Variants in KIF14 observed in about 807,000 individuals in gnomAD.
KIF14 encodes the protein kinesin-like protein KIF14.
KIF14 carries 98 observed loss-of-function variants against 176.2 expected under a neutral mutation model. That is an observed-to-expected ratio of 0.56 (90% CI 0.47 to 0.66). KIF14 has a LOEUF of 0.66. Among genes scored for constraint, KIF14 ranks in the 30% least tolerant of loss-of-function variants. The probability of loss-of-function intolerance (pLI) is 0.00; values close to 1 mark genes in which losing one functional copy is unlikely to be tolerated. For missense variants in KIF14, 1,751 were observed against 1,920.4 expected (o/e 0.91, Z 1.65); for synonymous variants, 566 against 632.2 (o/e 0.90, Z 1.57).
Position 200,618,652 on chromosome 1 carries a change from A to C in KIF14, c.72T>G (p.Ser24Arg). Residue 24 changes from serine to arginine, a missense_variant, in exon 2 of 30, where the codon AGT becomes AGG. By Grantham distance (110) the Ser-to-Arg change is moderately radical (BLOSUM62 -1). Transcript: ENST00000367350. Reference sequence around the variant, plus strand: ...TGTGGGTGAGGGCATTCAGTGATGAACTATTTTGGGAAGAAGGAATATCAA... The same window carrying C: ...TGTGGGTGAGGGCATTCAGTGATGACCTATTTTGGGAAGAAGGAATATCAA... ...DILDIPSSQNSSSLNALTHSS... is the reference protein window; with the variant it reads ...DILDIPSSQNRSSLNALTHSS... 1 of 1,613,788 alleles carries C rather than the reference A, an allele frequency of 6.2e-7. No homozygotes were observed.
chr1:200,565,464 A>G lies in KIF14; in HGVS notation c.3867T>C (p.Asp1289=). ...FAISKAHEEQ[D]EESQDNLFSS... ...GCTTACAGTTATCTTGACTTTCTTC[A>G]TCTTGTTCTTCATGAGCCTTGGAAA... Residue 1289 remains aspartate, a synonymous_variant, in exon 24 of 30, where the codon GAT becomes GAC. Transcript: ENST00000367350. 6.3e-7 allele frequency: 1 copy of G among 1,594,312 alleles called. No individual in the cohort carries two copies. Among genetic ancestry groups the G allele is most frequent in the Non-Finnish European group, 8.5e-7 (1 of 1,174,218 alleles).
intron 12 of KIF14, 49 bp from the exon 13 acceptor site, chr1:200,600,162 A>C: frequency 7.3e-7 from 1 of 1,373,310 alleles, no homozygotes; most frequent in Non-Finnish European, 1.0e-6. Flanking sequence ...CCAGATGTAT[A>C]AGATTGAGAG....
rs111405039 is a variant in KIF14 at position 200,555,465 on chromosome 1, T to C, written c.4354-11A>G. 1 of 1,420,300 alleles carries C rather than the reference T, an allele frequency of 7.0e-7. No individual in the cohort carries two copies. Among genetic ancestry groups the C allele is most frequent in the South Asian group, 1.3e-5 (1 of 75,584 alleles). 88.0% of individuals were successfully genotyped at this position (1,420,300 alleles called of 1,614,324 possible). ...CATTTCTTTGGTAACCTATAGAGAATGTTAAAATATTTTATTATACTTTAT... is the reference window on the plus strand; with the variant it reads ...CATTTCTTTGGTAACCTATAGAGAACGTTAAAATATTTTATTATACTTTAT... On this transcript the variant is annotated splice_polypyrimidine_tract_variant and intron_variant, in intron 27 of 29. Coordinates refer to ENST00000367350, the MANE Select transcript of KIF14 (RefSeq NM_014875.3).
intron 18 of KIF14, among the ~76,000 whole-genome samples, chr1:200,586,790 C>CATATATATATATAT (rs10610890): frequency 1.4e-4 from 18 of 128,326 alleles, no homozygotes; most frequent in Admixed American, 4.6e-4. Context: ...TATATACATA[C>CATATATATATATAT]ATATATATAT....
At position 200,605,341 on chromosome 1, in the gene KIF14, A is replaced by C. The variant is rs982515648; in HGVS notation, c.1688T>G (p.Met563Arg). ...NKQRATAATG[M>R]NDKSSRSHSV... ...ATGAGATCGGGAACTTTTATCATTC[A>C]TACCAGTAGCAGCAGTAGCTCTTTG... Residue 563 changes from methionine to arginine, a missense_variant, in exon 8 of 30, where the codon ATG (methionine) becomes AGG (arginine). Transcript: ENST00000367350. The C allele has an allele frequency of 4.3e-6, 7 of 1,613,740 alleles. No homozygotes were observed. The highest frequency in any genetic ancestry group is 5.9e-6 in the Non-Finnish European group (7 of 1,179,854).
intron 2 of KIF14, among the ~76,000 whole-genome samples, chr1:200,617,070 T>C (rs949970716): frequency 3.9e-5 from 6 of 152,080 alleles, no homozygotes; most frequent in Non-Finnish European, 7.4e-5. Flanking sequence ...CGGGTTCAAG[T>C]GATTCTCCTG....
At chr1:200,596,920 T>C (rs74960978) in intron 14 of KIF14, among the ~76,000 whole-genome samples, 4 of 127,654 alleles carry the variant, frequency 3.1e-5, no homozygotes, top group Non-Finnish European at 6.4e-5. Context: ...TTTTGAGACA[T>C]AGTCTCGCTC....
Position 200,580,538 on chromosome 1 carries a change from A to G in KIF14, c.3336-155T>C, listed in dbSNP as rs576320583. Among the ~76,000 whole-genome samples the G allele has an allele frequency of 3.9e-5, 6 of 152,138 alleles. No individual in the cohort carries two copies. The South Asian group carries it at 1.0e-3, about 26-fold the overall frequency. On this transcript the variant is annotated intron_variant, in intron 20 of 29. Coordinates refer to ENST00000367350, the MANE Select transcript of KIF14 (RefSeq NM_014875.3). Reference sequence around the variant, plus strand: ...TTTTTATTATAGTAATAATCATATAAGTATAAAACATATAAAAATAACAAA... The same window carrying G: ...TTTTTATTATAGTAATAATCATATAGGTATAAAACATATAAAAATAACAAA...
Position 200,592,118 on chromosome 1 carries a change from T to C in KIF14, c.2775A>G (p.Glu925=), listed in dbSNP as rs1180298839. Residue 925 remains glutamate (E), a synonymous_variant, in exon 16 of 30, where the codon GAA becomes GAG. Transcript: ENST00000367350. ...TPISEGPKDF[E]FAKNELLMAQ... ...CCATGAGCAACTCATTTTTTGCAAA[T>C]TCAAAGTCTTTTGGACCCTCACTTA... The C allele has an allele frequency of 3.7e-6, 6 of 1,613,510 alleles. No homozygotes were observed. Among genetic ancestry groups the C allele is most frequent in the Non-Finnish European group, 5.1e-6 (6 of 1,179,852 alleles).
At chr1:200,557,014 T>C (rs905054361) in intron 27 of KIF14, among the ~76,000 whole-genome samples, 5 of 150,818 alleles carry the variant, frequency 3.3e-5, no homozygotes, top group Non-Finnish European at 7.4e-5. Context: ...TATTTATTTA[T>C]TTATTTTTGA....
In KIF14 at chr1:200,592,113, G is replaced by T; in HGVS notation, c.2780C>A (p.Ala927Glu). 6.2e-7 allele frequency: 1 copy of T among 1,610,372 alleles called. No individual in the cohort carries two copies. Residue 927 changes from alanine to glutamate, a missense_variant, in exon 16 of 30, where the codon GCA (alanine) becomes GAA (glutamate). Transcript: ENST00000367350. ...ISEGPKDFEF[A>E]KNELLMAQRS... ...CTGTGCCATGAGCAACTCATTTTTT[G>T]CAAATTCAAAGTCTTTTGGACCCTC... is the stretch of plus-strand genomic sequence containing the variant.
rs550553479 is a variant in KIF14, at chr1:200,615,870, C to CT, written c.1113-262dup. On this transcript the variant is annotated intron_variant, in intron 2 of 29. Coordinates refer to ENST00000367350, the MANE Select transcript of KIF14 (RefSeq NM_014875.3). ...TCCTACTTTTACAAGATTTTTTCCT[C>CT]TTTTTTTTTTCTCTTGAACTATACC... 8.1e-3 allele frequency among the ~76,000 whole-genome samples: 1,217 copies of CT among 149,474 alleles called. 11 individuals are homozygous for CT. Among genetic ancestry groups the CT allele is most frequent in the African/African-American group, 0.027 (1,085 of 40,866 alleles).
intron 14 of KIF14, among the ~76,000 whole-genome samples, chr1:200,597,946 T>G (rs1162339099): frequency 1.3e-5 from 2 of 152,284 alleles, no homozygotes; most frequent in East Asian, 3.9e-4. Flanking sequence ...AGATAGATAG[T>G]TTACTTGCAT....
intron 25 of KIF14, 25 bp downstream of exon 25, chr1:200,565,044 A>G (rs753825757): frequency 1.3e-6 from 2 of 1,558,116 alleles, no homozygotes; most frequent in South Asian, 1.1e-5. Context: ...GAATCCTTCA[A>G]ATGATAATAA....
At position 200,581,115 on chromosome 1, in the gene KIF14, GAAA is replaced by G. The variant is rs368717102; in HGVS notation, c.3335+83_3335+85del. 5.2e-3 allele frequency: 1,519 copies of G among 290,864 alleles called. 8 individuals are homozygous for G. Among genetic ancestry groups the G allele is most frequent in the African/African-American group, 0.017 (389 of 22,778 alleles). The allele number at this position is 290,864 out of a possible 1,614,324, so 18.0% of individuals were successfully genotyped here. A position where few individuals can be genotyped will look rare whatever the true frequency, so the allele number is the denominator to read the frequency against. ...GGCAACAGAGCAAGACTCTGTCTCA[GAAA>G]AAAAAAAAAAAAAAAGAGAAACTAA... On this transcript the variant is annotated intron_variant, in intron 20 of 29. Coordinates refer to ENST00000367350, the MANE Select transcript of KIF14 (RefSeq NM_014875.3).
At chr1:200,573,456 C>T (rs1448594746) in intron 22 of KIF14, among the ~76,000 whole-genome samples, 3 of 71,100 alleles carry the variant, frequency 4.2e-5, no homozygotes, top group South Asian at 3.4e-4. Flanking sequence ...TTTTTTGAGA[C>T]GGAGTCCCGC....
intron 27 of KIF14, among the ~76,000 whole-genome samples, chr1:200,556,700 C>G (rs1656847174): frequency 6.6e-6 from 1 of 152,192 alleles, no homozygotes; most frequent in South Asian, 2.1e-4. Flanking sequence ...TTAATTTATT[C>G]TATACCCTTC....
chr1:200,581,875 T>TCCTC (rs987233255), intron 19 of KIF14, among the ~76,000 whole-genome samples: 3 of 149,674 alleles, frequency 2.0e-5, no homozygotes, highest in Admixed American at 6.7e-5. Context: ...GCTCAAGTGA[T>TCCTC]CCTCCCATCT....
chr1:200,608,998 T>A, intron 4 of KIF14, 70 bp from the exon 5 acceptor site: 1 of 782,002 alleles, frequency 1.3e-6, no homozygotes, highest in Non-Finnish European at 2.1e-6. Flanking sequence ...GGTTAGGAAC[T>A]AGTATCCAAA....
Sources: allele counts gnomAD v4.1 joint callset (sites outside exome capture counted in the v4.1 genomes callset), GRCh38; gene constraint gnomAD v4.1.1; transcripts MANE v1.5; gene names NCBI Gene and HGNC (gene_info 2026-07-23, HGNC 2026-07-21).